Variants in NPL observed in about 807,000 individuals in gnomAD.
NPL encodes N-acetylneuraminate lyase.
Under a neutral mutation model 41.1 loss-of-function variants are expected in NPL, and 32 were observed. The observed-to-expected ratio is 0.78, with a 90% CI of 0.59 to 1.05. The LOEUF (loss-of-function observed/expected upper bound fraction) is 1.05, where lower values mean the gene tolerates loss of function less well. NPL is among the 50% of genes least tolerant of loss of function. The pLI is 0.00. For missense variants in NPL, 321 were observed against 378.4 expected (o/e 0.85, Z 1.26); for synonymous variants, 128 against 134.9 (o/e 0.95, Z 0.35).
In NPL at chr1:182,829,777, C is replaced by G; in HGVS notation, c.*869C>G. On this transcript the variant is annotated 3_prime_UTR_variant, in exon 13 of 13. Coordinates refer to ENST00000367553, the MANE Select transcript of NPL (RefSeq NM_030769.3). ...GGGCTAATGTTATTATCCTGTCACA[C>G]TTGCAACTAGTGACTTTTGTTTAGT... The G allele has an allele frequency of 2.6e-6, 2 of 766,582 alleles. No homozygotes were observed. The highest frequency in any genetic ancestry group is 4.4e-6 in the Non-Finnish European group (2 of 459,012). The allele number at this position is 766,582 out of a possible 1,614,324, so 47.5% of individuals were successfully genotyped here. A position where few individuals can be genotyped will look rare whatever the true frequency, so the allele number is the denominator to read the frequency against.
intron 10 of NPL, among the ~76,000 whole-genome samples, chr1:182,820,745 C>A (rs1315399023): frequency 6.6e-6 from 1 of 152,172 alleles, no homozygotes; most frequent in African/African-American, 2.4e-5. Flanking sequence ...ATCGCGACAA[C>A]AGCACAAAGG....
At chr1:182,818,278 TG>T (rs1418847426) in intron 8 of NPL, among the ~76,000 whole-genome samples, 2 of 152,198 alleles carry the variant, frequency 1.3e-5, no homozygotes, top group African/African-American at 4.8e-5. Flanking sequence ...TTGGGTACTT[TG>T]TCTCAGGAAC....
intron 8 of NPL, 94 bp from the exon 9 acceptor site, chr1:182,818,447 A>C: frequency 4.6e-6 from 7 of 1,509,184 alleles, no homozygotes; most frequent in Non-Finnish European, 6.4e-6. Flanking sequence ...GGCTGACAGC[A>C]GCGTGTGGCA....
At chr1:182,809,725 TAGTCAAGATTTGGAGTAGCCACTCCA>T (rs1667124024) in intron 5 of NPL, 1 of 152,004 alleles carries the variant, frequency 6.6e-6, no homozygotes, top group Non-Finnish European at 1.5e-5. Flanking sequence ...TTGACAGGAA[TAGTCAAGATTTGGAGTAGCCACTCCA>T]GAGAAATGAG....
chr1:182,794,481 A>C (rs1412128379), intron 3 of NPL, 42 bp downstream of exon 3: 15 of 1,584,632 alleles, frequency 9.5e-6, no homozygotes, highest in South Asian at 2.2e-5. Context: ...GTTCTCATTC[A>C]ACCAAAAAGG....
intron 5 of NPL, among the ~76,000 whole-genome samples, chr1:182,810,457 A>T (rs1667143847): frequency 6.6e-6 from 1 of 152,206 alleles, no homozygotes; most frequent in Non-Finnish European, 1.5e-5. Context: ...TCCCAGTATC[A>T]TACCTATCTT....
intron 5 of NPL, among the ~76,000 whole-genome samples, chr1:182,807,924 ATGAGGGACAGGGAAG>A (rs1314628991): frequency 2.6e-5 from 4 of 151,138 alleles, no homozygotes; most frequent in Non-Finnish European, 5.9e-5. Flanking sequence ...AGTACCAAAA[ATGAGGGACAGGGAAG>A]TAGGCAGAGA....
chr1:182,829,137 G>A lies in NPL; in HGVS notation c.*229G>A. On this transcript the variant is annotated 3_prime_UTR_variant, in exon 13 of 13. Coordinates refer to ENST00000367553, the MANE Select transcript of NPL (RefSeq NM_030769.3). ...CATTCATTTCACAGATTTTTTTGTG[G>A]AGAAATTTCTGTTTATATGGATGAA... is the stretch of plus-strand genomic sequence containing the variant. The A allele has an allele frequency of 7.3e-7, 1 of 1,374,146 alleles. No individual in the cohort carries two copies. Among genetic ancestry groups the A allele is most frequent in the Non-Finnish European group, 9.4e-7 (1 of 1,067,736 alleles). 85.1% of individuals were successfully genotyped at this position (1,374,146 alleles called of 1,614,324 possible).
intron 7 of NPL, among the ~76,000 whole-genome samples, chr1:182,816,224 C>A (rs1667327571): frequency 6.6e-6 from 1 of 152,172 alleles, no homozygotes; most frequent in Non-Finnish European, 1.5e-5. Flanking sequence ...GGGAAAAGTA[C>A]CAAATTTTGC....
At chr1:182,803,819 A>C in intron 4 of NPL, 48 bp downstream of exon 4, 1 of 1,302,862 alleles carries the variant, frequency 7.7e-7, no homozygotes, top group Non-Finnish European at 1.1e-6. Context: ...CTCAGTCTTT[A>C]GAAGGTATAT....
intron 6 of NPL, among the ~76,000 whole-genome samples, chr1:182,812,431 C>T (rs935219156): frequency 6.6e-6 from 1 of 152,146 alleles, no homozygotes; most frequent in African/African-American, 2.4e-5. Flanking sequence ...ATGGAAGCAC[C>T]TTCCTCCAAG....
At chr1:182,790,261 G>C (rs902516701) in intron 1 of NPL, among the ~76,000 whole-genome samples, 2 of 152,004 alleles carry the variant, frequency 1.3e-5, no homozygotes, top group Non-Finnish European at 2.9e-5. Flanking sequence ...CTCACTTTCT[G>C]TCTCTTAAAA....
chr1:182,830,096 T>C lies in NPL; in HGVS notation c.*1188T>C, dbSNP rs1373421632. 1 of 153,106 alleles carries C rather than the reference T, an allele frequency of 6.5e-6. No homozygotes were observed. The highest frequency in any genetic ancestry group is 1.5e-5 in the Non-Finnish European group (1 of 68,684). The allele number at this position is 153,106 out of a possible 1,614,324, so 9.5% of individuals were successfully genotyped here. On this transcript the variant is annotated 3_prime_UTR_variant, in exon 13 of 13. Coordinates refer to ENST00000367553, the MANE Select transcript of NPL (RefSeq NM_030769.3). Reference sequence around the variant, plus strand: ...ATCAGTTTTGCTCCTTATTTTAATCTCTTTGAATTAAAAATAAAACTTTTT... The same window carrying C: ...ATCAGTTTTGCTCCTTATTTTAATCCCTTTGAATTAAAAATAAAACTTTTT...
chr1:182,808,493 C>T (rs895200048), intron 5 of NPL, among the ~76,000 whole-genome samples: 1 of 152,002 alleles, frequency 6.6e-6, no homozygotes, highest in Admixed American at 6.6e-5. Flanking sequence ...AGCTGATCCT[C>T]ACAAAAAGTT....
intron 7 of NPL, among the ~76,000 whole-genome samples, chr1:182,816,302 T>C (rs1667329661): frequency 6.6e-6 from 1 of 152,262 alleles, no homozygotes; most frequent in Non-Finnish European, 1.5e-5. Context: ...GTTTATCTTT[T>C]TGTTACAGGA....
At chr1:182,827,890 C>G (rs1667671924) in intron 12 of NPL, among the ~76,000 whole-genome samples, 1 of 152,168 alleles carries the variant, frequency 6.6e-6, no homozygotes, top group African/African-American at 2.4e-5. Context: ...GGTGCCCTAT[C>G]AAGTGAGTTT....
intron 3 of NPL, among the ~76,000 whole-genome samples, chr1:182,798,973 T>C (rs947810487): frequency 5.9e-5 from 9 of 152,120 alleles, no homozygotes; most frequent in Non-Finnish European, 1.0e-4. Flanking sequence ...AAATGGAAAA[T>C]CAGATTTTCT....
At chr1:182,816,919 C>T (rs1463667812) in intron 8 of NPL, 113 bp downstream of exon 8, 3 of 781,324 alleles carry the variant, frequency 3.8e-6, no homozygotes, top group Non-Finnish European at 6.6e-6. Context: ...AGCACACCAC[C>T]ACTGACTGGG....
At chr1:182,812,101 C>A in intron 5 of NPL, 55 bp from the exon 6 acceptor site, 1 of 1,560,622 alleles carries the variant, frequency 6.4e-7, no homozygotes, top group Non-Finnish European at 8.8e-7. Flanking sequence ...GATAGTGCAG[C>A]CCTTCTGCAT....
Sources: allele counts gnomAD v4.1 joint callset (sites outside exome capture counted in the v4.1 genomes callset), GRCh38; gene constraint gnomAD v4.1.1; transcripts MANE v1.5; gene names NCBI Gene and HGNC (gene_info 2026-07-23, HGNC 2026-07-21).